Variants in ART3 observed in about 807,000 individuals in gnomAD.
ART3 encodes the protein ADP-ribosyltransferase 3 (inactive), also known as ecto-ADP-ribosyltransferase 3.
Under a neutral mutation model 48.5 loss-of-function variants are expected in ART3, and 49 were observed. The observed-to-expected ratio is 1.01, with a 90% CI of 0.80 to 1.28. ART3 has a LOEUF of 1.28. Ranked by LOEUF, ART3 falls within the 50% of genes most tolerant of loss-of-function variation. ART3 has a pLI of 0.00. For synonymous variants in ART3, 145 were observed against 157.2 expected, an observed-to-expected ratio of 0.92 and a Z score of 0.58; for missense variants, 438 against 454.3, an observed-to-expected ratio of 0.96 and a Z score of 0.33.
intron 3 of ART3, among the ~76,000 whole-genome samples, chr4:76,093,216 G>A (rs1233595766): frequency 6.6e-6 from 1 of 152,130 alleles, no homozygotes; most frequent in East Asian, 1.9e-4. Flanking sequence ...GAGTTCAGGA[G>A]TTTGAGACCA....
At chr4:76,051,900 T>C (rs990796964) in intron 1 of ART3, among the ~76,000 whole-genome samples, 10 of 117,736 alleles carry the variant, frequency 8.5e-5, no homozygotes, top group Admixed American at 1.6e-4. Flanking sequence ...CTCTCTCTCT[T>C]TTTTTTTTTT....
upstream of ART3, among the ~76,000 whole-genome samples, chr4:76,072,236 A>G (rs1720390465): frequency 6.6e-6 from 1 of 152,174 alleles, no homozygotes; most frequent in Non-Finnish European, 1.5e-5. Flanking sequence ...GATCATTTCC[A>G]TTTACTTTTT....
In ART3 at chr4:76,023,696, A is replaced by G. The variant is rs574834526; in HGVS notation, c.-10+12376A>G. Among the ~76,000 whole-genome samples the G allele has an allele frequency of 1.8e-4, 27 of 152,258 alleles. No homozygotes were observed. The South Asian group carries it at 5.4e-3, about 30-fold the overall frequency. Reference sequence around the variant, plus strand: ...TCCCTCTGCTCCTCTTTTTTTGGTAATAGTGAATTAGGTTTCACTTTCCAA... The same window carrying G: ...TCCCTCTGCTCCTCTTTTTTTGGTAGTAGTGAATTAGGTTTCACTTTCCAA... On this transcript the variant is annotated intron_variant, in intron 1 of 9. Transcript: ENST00000341029.
chr4:76,090,392 A>G (rs958209632), intron 3 of ART3, among the ~76,000 whole-genome samples: 1 of 152,268 alleles, frequency 6.6e-6, no homozygotes, highest in Non-Finnish European at 1.5e-5. Context: ...ACAGGCTAGC[A>G]GTAACAGCCC....
chr4:76,052,075 T>A (rs1216866120), intron 1 of ART3, among the ~76,000 whole-genome samples: 1 of 151,428 alleles, frequency 6.6e-6, no homozygotes, highest in Non-Finnish European at 1.5e-5. Flanking sequence ...GCCCAGCTAA[T>A]TTTTTTTGTA....
At chr4:76,105,884 G>A in intron 10 of ART3, 2 of 985,362 alleles carry the variant, frequency 2.0e-6, no homozygotes, top group Non-Finnish European at 1.2e-6. Flanking sequence ...CATCATCCAA[G>A]AACTGTGAAT....
Position 76,063,375 on chromosome 4 carries a change from G to A in ART3, c.-9-12506G>A, listed in dbSNP as rs376741086. On this transcript the variant is annotated intron_variant, in intron 1 of 9. Coordinates refer to the ART3 transcript ENST00000341029. ...AGACATAATTCAGGAAGAGTTAAAA[G>A]CATTGCTGACCAAATCTCTCTTAAC... Among the ~76,000 whole-genome samples, 20 of 152,240 alleles carry A rather than the reference G, an allele frequency of 1.3e-4. 1 individual carries two copies. The highest frequency in any genetic ancestry group is 4.8e-4 in the African/African-American group (20 of 41,546).
At chr4:76,034,975 C>T (rs1734220655) in intron 1 of ART3, 1 of 1,456,634 alleles carries the variant, frequency 6.9e-7, no homozygotes, top group South Asian at 1.2e-5. Flanking sequence ...TAGTTGTCCA[C>T]ATTATTTTCT....
At chr4:76,100,186 T>C (rs1726961813) in intron 5 of ART3, 105 bp from the exon 6 acceptor site, 9 of 1,172,000 alleles carry the variant, frequency 7.7e-6, no homozygotes, top group Non-Finnish European at 9.9e-6. Flanking sequence ...TATCAAATGG[T>C]TCTTTATAGT....
intron 1 of ART3, among the ~76,000 whole-genome samples, chr4:76,024,205 G>A (rs1353217666): frequency 6.6e-6 from 1 of 152,062 alleles, no homozygotes; most frequent in Non-Finnish European, 1.5e-5. Context: ...TCATAAGATG[G>A]TATCTAGAAT....
At chr4:76,046,742 A>G (rs1013523506) in intron 1 of ART3, among the ~76,000 whole-genome samples, 14 of 151,966 alleles carry the variant, frequency 9.2e-5, no homozygotes, top group Non-Finnish European at 2.1e-4. Flanking sequence ...CCTCCTTAAT[A>G]AGGGTGTGGG....
intron 3 of ART3, among the ~76,000 whole-genome samples, chr4:76,095,712 T>C (rs1290559973): frequency 1.3e-5 from 2 of 152,210 alleles, no homozygotes; most frequent in Non-Finnish European, 2.9e-5. Context: ...GATTCTGAAG[T>C]ATGTGGCTGG....
intron 1 of ART3, among the ~76,000 whole-genome samples, chr4:76,049,896 T>C (rs973202900): frequency 6.6e-6 from 1 of 151,890 alleles, no homozygotes; most frequent in African/African-American, 2.4e-5. Context: ...CTGGAGTTTG[T>C]TCCTTCTGAT....
chr4:76,014,231 TA>T, intron 1 of ART3, among the ~76,000 whole-genome samples: 1 of 152,220 alleles, frequency 6.6e-6, no homozygotes, highest in East Asian at 1.9e-4. Flanking sequence ...TCTTTGGACT[TA>T]CTAGACCAAG....
chr4:76,097,434 T>A (rs1726262385), intron 3 of ART3, among the ~76,000 whole-genome samples: 1 of 152,104 alleles, frequency 6.6e-6, no homozygotes, highest in African/African-American at 2.4e-5. Flanking sequence ...CTTGAACTCC[T>A]GGGCTGAAGC....
chr4:76,107,195 C>T (rs1385722274), intron 10 of ART3: 1 of 152,138 alleles, frequency 6.6e-6, no homozygotes, highest in African/African-American at 2.4e-5. Context: ...GTATTTTCAG[C>T]TTACATTGGA....
chr4:76,086,800 G>A (rs891017898), intron 3 of ART3, among the ~76,000 whole-genome samples: 1 of 152,086 alleles, frequency 6.6e-6, no homozygotes, highest in Non-Finnish European at 1.5e-5. Flanking sequence ...AGCCAGCTGG[G>A]GCCAGTTTAG....
chr4:76,096,608 C>T (rs868298398), intron 3 of ART3, among the ~76,000 whole-genome samples: 1 of 152,130 alleles, frequency 6.6e-6, no homozygotes, highest in Non-Finnish European at 1.5e-5. Flanking sequence ...CATACTGCAC[C>T]CAATCTGTAT....
chr4:76,061,843 G>T (rs1719242582), intron 1 of ART3, among the ~76,000 whole-genome samples: 1 of 152,152 alleles, frequency 6.6e-6, no homozygotes, highest in Non-Finnish European at 1.5e-5. Context: ...TTTAGTTAGG[G>T]GCTCAGTAAA....
Sources: gnomAD v4.1 joint callset for allele counts (sites outside exome capture counted in the v4.1 genomes callset) on GRCh38, gnomAD v4.1.1 for gene constraint, MANE v1.5 for transcripts, NCBI Gene and HGNC (gene_info 2026-07-23, HGNC 2026-07-21) for gene names.